The following MAP3K9 variants were observed in gnomAD, a reference collection of about 807,000 sequenced individuals.
The protein encoded by MAP3K9 is mixed lineage kinase 1 (tyr and ser/thr specificity).
A neutral mutation model predicts 95.8 loss-of-function variants in MAP3K9; 46 were observed. The observed-to-expected ratio is 0.48, with a 90% CI of 0.38 to 0.61. The LOEUF (loss-of-function observed/expected upper bound fraction) is 0.61, where lower values mean the gene tolerates loss of function less well. Among genes scored for constraint, MAP3K9 ranks in the 20% least tolerant of loss-of-function variants. MAP3K9 has a pLI of 0.00. For synonymous variants in MAP3K9, 533 were observed against 593.8 expected (o/e 0.90, Z 1.49); for missense variants, 1,296 against 1,474.3 (o/e 0.88, Z 1.98).
In MAP3K9 at chr14:70,732,789, A is replaced by T; in HGVS notation, c.2580T>A (p.Tyr860Ter). ...LRSDSDEIVV[Y>*]EMPVSPVEAP... is the part of the protein sequence containing the mutation. ...CCTCGACTGGGCTGACTGGCATCTC[A>T]TACACGACAATTTCATCGCTGTCGG... is the stretch of plus-strand genomic sequence containing the variant. The change falls in exon 11 of 12, where the codon TAT becomes TAA. Residue 860 changes from tyrosine (Y) to a stop codon, truncating the protein, a stop_gained. Coordinates refer to ENST00000554752, the MANE Select transcript of MAP3K9 (RefSeq NM_001284230.2). LOFTEE classifies it high-confidence loss of function. The T allele has an allele frequency of 6.2e-7, 1 of 1,613,928 alleles. No individual in the cohort carries two copies. Among genetic ancestry groups the T allele is most frequent in the South Asian group, 1.1e-5 (1 of 91,066 alleles).
rs2053919217 is a variant in MAP3K9 at position 70,732,531 on chromosome 14, A to C, written c.2830+8T>G. On this transcript the variant is annotated splice_region_variant and intron_variant, in intron 11 of 11. Coordinates refer to ENST00000554752, the MANE Select transcript of MAP3K9 (RefSeq NM_001284230.2). ...AGAAAGGAAAGAGAAAAGAGGAAGA[A>C]GACTCACCTGCTCCAGGACTGGGGC... The C allele has an allele frequency of 6.5e-7, 1 of 1,537,486 alleles. No homozygotes were observed. Among genetic ancestry groups the C allele is most frequent in the East Asian group, 2.3e-5 (1 of 43,690 alleles).
intron 2 of MAP3K9, among the ~76,000 whole-genome samples, chr14:70,774,096 A>G (rs888056154): frequency 6.6e-6 from 1 of 152,232 alleles, no homozygotes; most frequent in Non-Finnish European, 1.5e-5. Context: ...TCAACCTGAA[A>G]TCTATGTTCT....
intron 3 of MAP3K9, among the ~76,000 whole-genome samples, chr14:70,754,284 T>G (rs2054268984): frequency 6.6e-6 from 1 of 152,176 alleles, no homozygotes; most frequent in Non-Finnish European, 1.5e-5. Flanking sequence ...TCATGCTATA[T>G]TACATTCAAA....
At chr14:70,768,704 AGCTGAG>A (rs2054491126) in intron 2 of MAP3K9, among the ~76,000 whole-genome samples, 1 of 152,176 alleles carries the variant, frequency 6.6e-6, no homozygotes, top group Non-Finnish European at 1.5e-5. Context: ...AATATCATTT[AGCTGAG>A]GCCAGGCTCT....
chr14:70,758,741 T>C (rs1354176176), intron 3 of MAP3K9, among the ~76,000 whole-genome samples: 1 of 151,860 alleles, frequency 6.6e-6, no homozygotes, highest in Non-Finnish European at 1.5e-5. Context: ...AATGAAATTC[T>C]GAGATAAGTT....
intron 2 of MAP3K9, among the ~76,000 whole-genome samples, chr14:70,794,996 T>C (rs1387219190): frequency 4.5e-5 from 6 of 133,206 alleles, no homozygotes; most frequent in Admixed American, 1.5e-4. Flanking sequence ...TTTCCTTTTT[T>C]TTTTTTTTTT....
intron 1 of MAP3K9, among the ~76,000 whole-genome samples, chr14:70,802,321 CTCAGTTCAAG>C (rs2054939199): frequency 6.6e-6 from 1 of 152,194 alleles, no homozygotes. Context: ...TCATCTGTGC[CTCAGTTCAAG>C]CCCTGATGAT....
At chr14:70,776,985 C>T (rs541599229) in intron 2 of MAP3K9, among the ~76,000 whole-genome samples, 23 of 152,258 alleles carry the variant, frequency 1.5e-4, no homozygotes, top group African/African-American at 5.5e-4. Flanking sequence ...CGCCTGCCAC[C>T]ACACCCGGCT....
At chr14:70,733,826 G>A in intron 10 of MAP3K9, 2 of 718,086 alleles carry the variant, frequency 2.8e-6, no homozygotes, top group Middle Eastern at 2.4e-4. Flanking sequence ...GAAAAAGGGG[G>A]ATGCTCAGTT....
intron 2 of MAP3K9, among the ~76,000 whole-genome samples, chr14:70,762,686 T>C (rs1387814857): frequency 6.6e-6 from 1 of 152,250 alleles, no homozygotes; most frequent in Admixed American, 6.5e-5. Flanking sequence ...ATTTCTCCCA[T>C]TCTACTGGCT....
intron 5 of MAP3K9, among the ~76,000 whole-genome samples, chr14:70,746,646 T>C (rs994367969): frequency 6.6e-6 from 1 of 152,196 alleles, no homozygotes; most frequent in African/African-American, 2.4e-5. Context: ...TAATATGGAG[T>C]TAATAGCACT....
Position 70,732,851 on chromosome 14 carries a change from TGGAGGAGAG to T in MAP3K9, c.2509_2517del (p.Leu837_Ser839del), listed in dbSNP as rs2053927969. 3 of 1,613,852 alleles carry T rather than the reference TGGAGGAGAG, an allele frequency of 1.9e-6. No homozygotes were observed. Among genetic ancestry groups the T allele is most frequent in the African/African-American group, 2.7e-5 (2 of 74,998 alleles). On this transcript the variant is annotated inframe_deletion, in exon 11 of 12. Coordinates refer to ENST00000554752, the MANE Select transcript of MAP3K9 (RefSeq NM_001284230.2). Reference sequence around the variant, plus strand: ...GAGCGTGTGGAGTTGCACTCGGAGATGGAGGAGAGGGAGAGCAGCGTCAGGGAGGCAGAG... The same window carrying T: ...GAGCGTGTGGAGTTGCACTCGGAGATGGAGAGCAGCGTCAGGGAGGCAGAG...
chr14:70,795,075 C>T (rs556087989), intron 2 of MAP3K9, among the ~76,000 whole-genome samples: 3 of 139,964 alleles, frequency 2.1e-5, no homozygotes, highest in South Asian at 4.7e-4. Flanking sequence ...CTCACCACAA[C>T]CTCCGCCTCC....
rs761331238 is a variant in MAP3K9 at position 70,808,944 on chromosome 14, G to T, written c.228C>A (p.Gly76=). ...CCTTGGACAGCACCTCCACCACGTC[G>T]CCCAGCCGCAGGGTCAGCTCGTCCT... ...AGEDELTLRL[G]DVVEVLSKDS... The change falls in exon 1 of 12, where the codon GGC becomes GGA. Residue 76 remains glycine, a synonymous_variant. Transcript: ENST00000554752. 121 of 1,580,296 alleles carry T rather than the reference G, an allele frequency of 7.7e-5. No homozygotes were observed. The highest frequency in any genetic ancestry group is 9.7e-5 in the Non-Finnish European group (114 of 1,169,604).
chr14:70,787,198 G>A (rs568070737), intron 2 of MAP3K9, among the ~76,000 whole-genome samples: 21 of 152,094 alleles, frequency 1.4e-4, no homozygotes, highest in Admixed American at 2.6e-4. Context: ...GATTTGCAGA[G>A]AAAGATCTTA....
chr14:70,750,501 T>C (rs2054210206), intron 3 of MAP3K9, among the ~76,000 whole-genome samples: 1 of 152,148 alleles, frequency 6.6e-6, no homozygotes, highest in Non-Finnish European at 1.5e-5. Flanking sequence ...TTTGTTTGTT[T>C]TGGGATGGAG....
chr14:70,764,501 T>C (rs1210857822), intron 2 of MAP3K9, among the ~76,000 whole-genome samples: 2 of 151,920 alleles, frequency 1.3e-5, no homozygotes, highest in Non-Finnish European at 2.9e-5. Context: ...CCATGTCCCC[T>C]TTAGGAACCA....
chr14:70,793,997 A>G (rs1483379835), intron 2 of MAP3K9, among the ~76,000 whole-genome samples: 2 of 152,192 alleles, frequency 1.3e-5, no homozygotes, highest in Non-Finnish European at 2.9e-5. Context: ...GGTAGTACAC[A>G]TTCATCAAAT....
chr14:70,748,774 T>C (rs971726686), intron 5 of MAP3K9, 55 bp downstream of exon 5: 4 of 1,456,040 alleles, frequency 2.7e-6, no homozygotes, highest in Non-Finnish European at 3.8e-6. Context: ...ACCAATTCAA[T>C]GCATGCCTTT....
Sources: gnomAD v4.1 joint callset for allele counts (sites outside exome capture counted in the v4.1 genomes callset) on GRCh38, gnomAD v4.1.1 for gene constraint, MANE v1.5 for transcripts, NCBI Gene and HGNC (gene_info 2026-07-23, HGNC 2026-07-21) for gene names.